Variants in TMEM154 observed in about 807,000 individuals in gnomAD.
TMEM154 encodes the protein transmembrane protein 154.
A neutral mutation model predicts 24.5 loss-of-function variants in TMEM154; 27 were observed. That is an observed-to-expected ratio of 1.10 (90% confidence interval 0.81 to 1.52). The LOEUF (loss-of-function observed/expected upper bound fraction) is 1.52, where lower values mean the gene tolerates loss of function less well. TMEM154 is among the 40% of genes most tolerant of loss of function. The pLI is 0.00. For missense variants in TMEM154, 228 were observed against 213.4 expected, an observed-to-expected ratio of 1.07 and a Z score of -0.43; for synonymous variants, 67 against 76.8, an observed-to-expected ratio of 0.87 and a Z score of 0.67.
intron 6 of TMEM154, among the ~76,000 whole-genome samples, chr4:152,635,712 T>C (rs1752135706): frequency 6.6e-6 from 1 of 152,190 alleles, no homozygotes; most frequent in African/African-American, 2.4e-5. Context: ...GAATAAACAG[T>C]AGAATTATTA....
At chr4:152,628,584 A>T in intron 6 of TMEM154, 23 bp from the exon 7 acceptor site, 3 of 1,113,618 alleles carry the variant, frequency 2.7e-6, no homozygotes, top group Non-Finnish European at 3.5e-6. Context: ...AAAAAAAAAA[A>T]AAAAAAAACA....
At chr4:152,669,266 T>C (rs904638255) in intron 1 of TMEM154, 2 of 152,210 alleles carry the variant, frequency 1.3e-5, no homozygotes, top group Non-Finnish European at 2.9e-5. Context: ...ATTATTCTAA[T>C]ACGTAGCTGT....
chr4:152,662,591 G>A (rs1728633739), intron 1 of TMEM154, among the ~76,000 whole-genome samples: 1 of 121,164 alleles, frequency 8.3e-6, no homozygotes, highest in African/African-American at 3.5e-5. Context: ...GGATGCGGAG[G>A]GCAGCTCAAG....
chr4:152,673,136 GT>G (rs1728880194), intron 1 of TMEM154, among the ~76,000 whole-genome samples: 1 of 152,082 alleles, frequency 6.6e-6, no homozygotes, highest in Non-Finnish European at 1.5e-5. Context: ...TTGTCCTAAA[GT>G]TACTGTGTAT....
rs1181567494 is a variant in TMEM154, at chr4:152,623,842, A to C, written c.*4704T>G. 1 of 151,790 alleles carries C rather than the reference A, an allele frequency of 6.6e-6. No homozygotes were observed. Among genetic ancestry groups the C allele is most frequent in the Non-Finnish European group, 1.5e-5 (1 of 68,002 alleles). The allele number at this position is 151,790 out of a possible 1,614,324, so 9.4% of individuals were successfully genotyped here. Reference sequence around the variant, plus strand: ...GGCTGCAGTGAGCCAAGATCATGCCACTGCACTCCAGCCAGGGCAACAGAG... The same window carrying C: ...GGCTGCAGTGAGCCAAGATCATGCCCCTGCACTCCAGCCAGGGCAACAGAG... On this transcript the variant is annotated 3_prime_UTR_variant, in exon 7 of 7. Transcript: ENST00000304385.
chr4:152,652,723 A>G lies in TMEM154; in HGVS notation c.269T>C (p.Leu90Ser), dbSNP rs927231719. The G allele has an allele frequency of 6.2e-7, 1 of 1,614,058 alleles. No homozygotes were observed. Among genetic ancestry groups the G allele is most frequent in the East Asian group, 2.2e-5 (1 of 44,854 alleles). The change falls in exon 2 of 7, where the codon TTA (leucine) becomes TCA (serine). Residue 90 changes from leucine to serine, a missense_variant. Transcript: ENST00000304385. ...VLIPLILLVL[L>S]LLSVVFLATY... is the part of the protein sequence containing the mutation. ...TGCAAGGAATACCACGGATAAAAGT[A>G]AGAGGACCAATAAAATCAATGGGAT...
rs1396211256 is a variant in TMEM154 at position 152,623,773 on chromosome 4, T to G, written c.*4773A>C. The G allele has an allele frequency of 2.6e-5, 4 of 151,990 alleles. No homozygotes were observed. Among genetic ancestry groups the G allele is most frequent in the Non-Finnish European group, 5.9e-5 (4 of 68,014 alleles). 9.4% of individuals were successfully genotyped at this position (151,990 alleles called of 1,614,324 possible). ...TGTGCACGCCTGTAATCCCAGCTAC[T>G]TGGGAGGCTGGGGCAGGAGGATCGC... On this transcript the variant is annotated 3_prime_UTR_variant, in exon 7 of 7. Coordinates refer to ENST00000304385, the MANE Select transcript of TMEM154 (RefSeq NM_152680.3).
intron 6 of TMEM154, among the ~76,000 whole-genome samples, chr4:152,632,751 T>C (rs1752071587): frequency 6.6e-6 from 1 of 152,246 alleles, no homozygotes; most frequent in Admixed American, 6.5e-5. Context: ...AGTGGCTTTT[T>C]TAGCATAGTA....
At position 152,621,286 on chromosome 4, in the gene TMEM154, A is replaced by G. The variant is rs1228279209; in HGVS notation, c.*7260T>C. On this transcript the variant is annotated 3_prime_UTR_variant, in exon 7 of 7. Transcript: ENST00000304385. ...GGATCATGTGGCAACACAGGAAAGA[A>G]GCCCTGTACTAATGAAGGTGGGGAA... 1.3e-5 allele frequency: 2 copies of G among 152,282 alleles called. No individual in the cohort carries two copies. Among genetic ancestry groups the G allele is most frequent in the East Asian group, 3.8e-4 (2 of 5,206 alleles). 9.4% of individuals were successfully genotyped at this position (152,282 alleles called of 1,614,324 possible).
At position 152,628,600 on chromosome 4, in the gene TMEM154, A is replaced by AC. The variant is rs1554010635; in HGVS notation, c.537-40_537-39insG. 9.9e-4 allele frequency: 977 copies of AC among 989,138 alleles called. 20 individuals carry two copies. The highest frequency in any genetic ancestry group is 1.3e-3 in the Middle Eastern group (4 of 2,976). The allele number at this position is 989,138 out of a possible 1,614,324, so 61.3% of individuals were successfully genotyped here. A position where few individuals can be genotyped will look rare whatever the true frequency, so the allele number is the denominator to read the frequency against. On this transcript the variant is annotated intron_variant, in intron 6 of 6. Transcript: ENST00000304385. The stretch of plus-strand genomic sequence containing the variant: ...AAAAAAAAAAAAAAAAAACAAAAAA[A>AC]ACACACACACACACACAAAACAGTA...
intron 4 of TMEM154, 57 bp from the exon 5 acceptor site, chr4:152,643,230 AT>A: frequency 7.8e-7 from 1 of 1,279,548 alleles, no homozygotes. Context: ...GCCTAATTTC[AT>A]TTGGAAAGAG....
rs1271955364 is a variant in TMEM154 at position 152,641,320 on chromosome 4, C to T, written c.479-335G>A. ...GATAGACAGTGGAATAAGATGGCTT[C>T]GCCTGAGGTTCCAACGTGTCTGCAG... On this transcript the variant is annotated intron_variant, in intron 5 of 6. Transcript: ENST00000304385. 4.0e-5 allele frequency: 9 copies of T among 227,828 alleles called. No homozygotes were observed. The South Asian group carries it at 5.0e-4, about 13-fold the overall frequency. 14.1% of individuals were successfully genotyped at this position (227,828 alleles called of 1,614,324 possible).
chr4:152,628,837 G>A (rs967709409), intron 6 of TMEM154, among the ~76,000 whole-genome samples: 1 of 150,906 alleles, frequency 6.6e-6, no homozygotes, highest in African/African-American at 2.4e-5. Flanking sequence ...AGTAGAGGCG[G>A]GGTTTCACCA....
intron 6 of TMEM154, 69 bp from the exon 7 acceptor site, chr4:152,628,630 ATTTC>A: frequency 8.6e-7 from 1 of 1,166,080 alleles, no homozygotes. Context: ...ACAGTAATAT[ATTTC>A]TTTCTTTTTT....
chr4:152,636,904 T>C (rs1485965082), intron 6 of TMEM154, among the ~76,000 whole-genome samples: 1 of 152,244 alleles, frequency 6.6e-6, no homozygotes, highest in African/African-American at 2.4e-5. Context: ...CAATTTTTAA[T>C]GACTGTTACA....
At chr4:152,644,548 T>G in intron 3 of TMEM154, 106 bp from the exon 4 acceptor site, 1 of 1,106,534 alleles carries the variant, frequency 9.0e-7, no homozygotes, top group Non-Finnish European at 1.4e-6. Flanking sequence ...AAAATGACAT[T>G]AAGTAACATT....
intron 6 of TMEM154, among the ~76,000 whole-genome samples, chr4:152,629,146 C>T (rs1751984136): frequency 1.3e-5 from 2 of 152,226 alleles, no homozygotes; most frequent in South Asian, 4.1e-4. Context: ...CTCCTCATAG[C>T]CCTCCCCAGT....
intron 1 of TMEM154, chr4:152,666,536 T>C (rs893809214): frequency 6.6e-6 from 1 of 151,998 alleles, no homozygotes; most frequent in South Asian, 2.1e-4. Context: ...GGTCTCAAAT[T>C]ACTGGGCTCA....
intron 3 of TMEM154, among the ~76,000 whole-genome samples, chr4:152,649,713 G>C (rs1051005120): frequency 6.6e-6 from 1 of 152,152 alleles, no homozygotes; most frequent in Non-Finnish European, 1.5e-5. Context: ...TCTTTCCCCA[G>C]TGATGGGAAA....
Sources: gnomAD v4.1 joint callset for allele counts (sites outside exome capture counted in the v4.1 genomes callset) on GRCh38, gnomAD v4.1.1 for gene constraint, MANE v1.5 for transcripts, NCBI Gene and HGNC (gene_info 2026-07-23, HGNC 2026-07-21) for gene names.